Variants in LATS2 observed in about 807,000 individuals in gnomAD.
The protein encoded by LATS2 is serine/threonine-protein kinase LATS2.
In LATS2, 24 loss-of-function variants were observed where a neutral mutation model predicts 76.0. That is an observed-to-expected ratio of 0.32 (90% CI 0.23 to 0.44). The LOEUF is 0.44. Ranked by LOEUF, LATS2 falls within the 20% of genes least tolerant of loss-of-function variation. The probability of loss-of-function intolerance (pLI) is 1.00; values close to 1 mark genes in which losing one functional copy is unlikely to be tolerated. For synonymous variants in LATS2, 692 were observed against 635.4 expected (o/e 1.09, Z -1.34); for missense variants, 1,286 against 1,481.2 (o/e 0.87, Z 2.16).
intron 1 of LATS2, among the ~76,000 whole-genome samples, chr13:21,060,632 A>G (rs908163163): frequency 2.0e-5 from 3 of 150,988 alleles, no homozygotes; most frequent in African/African-American, 7.3e-5. Flanking sequence ...GCCGCGGGGA[A>G]CGGGGTGGGA....
chr13:21,027,983 GGTTA>G (rs1565959200), intron 2 of LATS2, among the ~76,000 whole-genome samples: 1 of 151,222 alleles, frequency 6.6e-6, no homozygotes, highest in African/African-American at 2.4e-5. Flanking sequence ...ACAATGTGCC[GGTTA>G]GTTACATATG....
chr13:21,017,068 C>G (rs1179538137), intron 2 of LATS2, among the ~76,000 whole-genome samples: 1 of 152,196 alleles, frequency 6.6e-6, no homozygotes, highest in Non-Finnish European at 1.5e-5. Flanking sequence ...ATTAGTGCTT[C>G]TTACCCAGAT....
At chr13:21,007,684 TATATATATATATATA>T (rs1565952226) in intron 2 of LATS2, among the ~76,000 whole-genome samples, 20 of 398 alleles carry the variant, frequency 0.05, 6 homozygotes, top group Non-Finnish European at 0.077. Context: ...ATATATATAG[TATATATATATATATA>T]GTATGTATAT....
chr13:21,011,581 A>T (rs1409537149), intron 2 of LATS2, among the ~76,000 whole-genome samples: 2 of 152,214 alleles, frequency 1.3e-5, no homozygotes, highest in East Asian at 3.8e-4. Context: ...CAGTGTTCTC[A>T]TCACATGCTA....
intron 2 of LATS2, among the ~76,000 whole-genome samples, chr13:21,004,818 T>C (rs1871202127): frequency 1.3e-5 from 2 of 152,186 alleles, no homozygotes; most frequent in Non-Finnish European, 2.9e-5. Context: ...AACCAAGACA[T>C]TGCTGTTTTT....
intron 2 of LATS2, among the ~76,000 whole-genome samples, chr13:21,004,422 G>GA (rs1871179938): frequency 7.9e-6 from 1 of 126,696 alleles, no homozygotes; most frequent in Admixed American, 8.7e-5. Flanking sequence ...CAACAAGAGC[G>GA]AAACACTGTC....
chr13:21,059,510 C>T (rs982615106), intron 1 of LATS2, among the ~76,000 whole-genome samples: 1 of 152,074 alleles, frequency 6.6e-6, no homozygotes, highest in African/African-American at 2.4e-5. Context: ...GGTAGGAGAT[C>T]GCTTGAACCC....
intron 2 of LATS2, among the ~76,000 whole-genome samples, chr13:20,999,456 A>G (rs949629344): frequency 2.2e-4 from 34 of 152,270 alleles, no homozygotes; most frequent in East Asian, 9.6e-4. Flanking sequence ...TATCTGCTGC[A>G]GAAGCGAGCA....
chr13:20,988,879 C>A lies in LATS2; in HGVS notation c.901G>T (p.Gly301Cys). The A allele has an allele frequency of 6.4e-7, 1 of 1,553,728 alleles. No individual in the cohort carries two copies. Among genetic ancestry groups the A allele is most frequent in the Non-Finnish European group, 8.6e-7 (1 of 1,156,622 alleles). Residue 301 changes from glycine (G) to cysteine (C), a missense_variant, in exon 4 of 8, where the codon GGC becomes TGC. Around this residue, in one of 5 missense-constraint regions of LATS2, gnomAD observed 710 missense variants for 660.9 expected, o/e 1.07. Coordinates refer to ENST00000382592, the MANE Select transcript of LATS2 (RefSeq NM_014572.3). ...TKGQGGPPGA[G>C]LAFPPPAAGL... ...GCGGCAGGGGGTGGGAAAGCGAGGC[C>A]GGCGCCTGGCGGTCCTCCCTGGCCC...
intron 2 of LATS2, chr13:21,005,055 A>C (rs1387488852): frequency 6.6e-6 from 1 of 152,230 alleles, no homozygotes; most frequent in Non-Finnish European, 1.5e-5. Context: ...TGTTGGTCCC[A>C]CAGAAGATGC....
chr13:20,996,921 T>A (rs981135228), intron 2 of LATS2, among the ~76,000 whole-genome samples: 1 of 152,158 alleles, frequency 6.6e-6, no homozygotes, highest in African/African-American at 2.4e-5. Context: ...GGCTGTAGAA[T>A]AGAAGCTAGT....
Position 21,045,859 on chromosome 13 carries a change from A to G in LATS2, c.168T>C (p.Asp56=). 5.0e-6 allele frequency: 8 copies of G among 1,614,190 alleles called. No homozygotes were observed. The highest frequency in any genetic ancestry group is 6.8e-6 in the Non-Finnish European group (8 of 1,180,028). The change falls in exon 2 of 8, where the codon GAT becomes GAC. Residue 56 remains aspartate, a synonymous_variant. Coordinates refer to ENST00000382592, the MANE Select transcript of LATS2 (RefSeq NM_014572.3). The stretch of plus-strand genomic sequence containing the variant: ...TCATCTGCTGCTGCTGCCTGGTGGC[A>G]TCTTTGCTCCCCAGGACTTTGGCAT... ...SLDAKVLGSK[D]ATRQQQQMRA...
At chr13:21,028,734 C>A (rs1391506188) in intron 2 of LATS2, among the ~76,000 whole-genome samples, 1 of 152,070 alleles carries the variant, frequency 6.6e-6, no homozygotes, top group East Asian at 1.9e-4. Context: ...CCACGCCCTG[C>A]TAATTTTTGT....
At chr13:21,006,525 T>C (rs1241283554) in intron 2 of LATS2, among the ~76,000 whole-genome samples, 1 of 152,242 alleles carries the variant, frequency 6.6e-6, no homozygotes, top group Non-Finnish European at 1.5e-5. Flanking sequence ...TCATCAGAGC[T>C]GAAGCATGAA....
At position 20,991,473 on chromosome 13, in the gene LATS2, C is replaced by A. The variant is rs1870504048; in HGVS notation, c.343-69G>T. ...ACAAAGCCACCAAAGACTCCCATCC[C>A]CACTCCGTGCTGGACTGTGCTGGGA... On this transcript the variant is annotated intron_variant, in intron 2 of 7. Coordinates refer to ENST00000382592, the MANE Select transcript of LATS2 (RefSeq NM_014572.3). The surrounding 1 kb of genome is among the most constrained non-coding windows in gnomAD (Gnocchi z 4.9). 1 of 1,577,290 alleles carries A rather than the reference C, an allele frequency of 6.3e-7. No homozygotes were observed. The highest frequency in any genetic ancestry group is 8.7e-7 in the Non-Finnish European group (1 of 1,151,392).
chr13:21,043,518 AG>A (rs1395331681), intron 2 of LATS2, among the ~76,000 whole-genome samples: 4 of 152,184 alleles, frequency 2.6e-5, no homozygotes, highest in Non-Finnish European at 5.9e-5. Context: ...TGTGAGTTGG[AG>A]GGGAAAGGTG....
chr13:21,050,902 T>G (rs1363205785), intron 1 of LATS2, among the ~76,000 whole-genome samples: 1 of 152,224 alleles, frequency 6.6e-6, no homozygotes, highest in African/African-American at 2.4e-5. Flanking sequence ...CAAGAGGCCC[T>G]GGCCCACGCA....
chr13:21,014,399 C>A (rs927028089), intron 2 of LATS2, among the ~76,000 whole-genome samples: 1 of 152,168 alleles, frequency 6.6e-6, no homozygotes, highest in African/African-American at 2.4e-5. Flanking sequence ...ACCAAAGGAC[C>A]CACTCCTCAC....
intron 2 of LATS2, among the ~76,000 whole-genome samples, chr13:20,993,929 A>G (rs964414237): frequency 2.6e-5 from 4 of 152,204 alleles, no homozygotes; most frequent in Non-Finnish European, 5.9e-5. Flanking sequence ...TTCCATCAGC[A>G]CTAACCGTTC....
Sources: allele counts gnomAD v4.1 joint callset (sites outside exome capture counted in the v4.1 genomes callset), GRCh38; gene constraint gnomAD v4.1.1; regional missense constraint gnomAD v4.1.1; non-coding constraint Gnocchi (gnomAD v3.1); transcripts MANE v1.5; gene names NCBI Gene and HGNC (gene_info 2026-07-23, HGNC 2026-07-21).